The following DMD variants were observed in gnomAD, a reference collection of about 807,000 sequenced individuals.
The protein encoded by DMD is dystrophin.
Under a neutral mutation model 330.1 loss-of-function variants are expected in DMD, and 63 were observed. That is an observed-to-expected ratio of 0.19 (90% CI 0.16 to 0.24). The LOEUF (loss-of-function observed/expected upper bound fraction) is 0.24. Ranked by LOEUF, DMD falls within the 10% of genes least tolerant of loss-of-function variation. DMD has a pLI of 1.00. For synonymous variants in DMD, 1,223 were observed against 959.8 expected (o/e 1.27, Z -5.07); for missense variants, 3,344 against 2,684.1 (o/e 1.25, Z -5.43).
intron 50 of DMD, among the ~76,000 whole-genome samples, chrX:31,801,497 A>T (rs2092059571): frequency 9.1e-6 from 1 of 110,333 alleles, no homozygotes; most frequent in Admixed American, 9.6e-5. Context: ...CTGGGGATCT[A>T]ATGTACATTA....
intron 44 of DMD, among the ~76,000 whole-genome samples, chrX:31,998,397 T>C (rs1291387458): frequency 8.9e-6 from 1 of 111,882 alleles, no homozygotes; most frequent in Admixed American, 9.5e-5. Context: ...TCAACTCAAA[T>C]GTTACCCAGA....
intron 48 of DMD, among the ~76,000 whole-genome samples, chrX:31,856,530 C>A (rs751586691): frequency 8.9e-6 from 1 of 112,018 alleles, no homozygotes; most frequent in Admixed American, 9.5e-5. Context: ...TTTATGGAGT[C>A]CAAAGTTCTA....
intron 16 of DMD, among the ~76,000 whole-genome samples, chrX:32,554,862 GAGA>G (rs2050030864): frequency 3.1e-5 from 2 of 64,988 alleles, no homozygotes; most frequent in Admixed American, 1.8e-4. Flanking sequence ...GAGAGAGAGA[GAGA>G]GAGAGAAGGA....
chrX:32,768,601 G>T lies in DMD; in HGVS notation c.649+40892C>A, dbSNP rs186847747. 2.7e-3 allele frequency among the ~76,000 whole-genome samples: 302 copies of T among 111,375 alleles called. 2 individuals are homozygous for T. The highest frequency in any genetic ancestry group is 8.8e-3 in the African/African-American group (271 of 30,725). ...TCAGAATGTATCATTTTTTTCTATG[G>T]TATACTTAAGGTTCCATTAAATTTA... On this transcript the variant is annotated intron_variant, in intron 7 of 78. Coordinates refer to ENST00000357033, the MANE Select transcript of DMD (RefSeq NM_004006.3).
At chrX:32,842,745 C>A (rs2080280898) in intron 4 of DMD, among the ~76,000 whole-genome samples, 1 of 111,719 alleles carries the variant, frequency 9.0e-6, no homozygotes, top group Non-Finnish European at 1.9e-5. Context: ...CTGCAAAGGA[C>A]ATGATCTAAT....
chrX:33,186,040 G>A (rs1488380611), intron 1 of DMD, among the ~76,000 whole-genome samples: 1 of 111,448 alleles, frequency 9.0e-6, no homozygotes, highest in Admixed American at 9.6e-5. Context: ...TGGGGGCGTG[G>A]GGCCAAACAG....
intron 16 of DMD, among the ~76,000 whole-genome samples, chrX:32,549,639 C>CAT (rs1192097111): frequency 8.9e-6 from 1 of 111,977 alleles, no homozygotes; most frequent in East Asian, 2.8e-4. Flanking sequence ...CATAAGATTA[C>CAT]ATATGTTAAA....
chrX:31,885,105 CT>C (rs779830427), intron 47 of DMD, among the ~76,000 whole-genome samples: 3 of 111,212 alleles, frequency 2.7e-5, no homozygotes, highest in South Asian at 7.5e-4. Flanking sequence ...CTTATATTCA[CT>C]TTCTTATTCT....
At chrX:32,310,373 T>A in intron 41 of DMD, 97 bp from the exon 42 acceptor site, 1 of 698,623 alleles carries the variant, frequency 1.4e-6, no homozygotes. Context: ...AGCTGACAAT[T>A]GAATCTACAA....
chrX:33,319,077 A>G (rs1442397459), intron 1 of DMD, among the ~76,000 whole-genome samples: 1 of 109,556 alleles, frequency 9.1e-6, no homozygotes. Flanking sequence ...TCTTCATCAT[A>G]TAAGGACACA....
intron 34 of DMD, among the ~76,000 whole-genome samples, chrX:32,365,507 T>C (rs1483622019): frequency 9.0e-6 from 1 of 111,241 alleles, no homozygotes; most frequent in Non-Finnish European, 1.9e-5. Context: ...TAAAGGCAGA[T>C]ATTTGAAAAT....
intron 54 of DMD, among the ~76,000 whole-genome samples, chrX:31,637,751 T>G (rs760510634): frequency 8.1e-5 from 9 of 111,764 alleles, no homozygotes; most frequent in Non-Finnish European, 1.3e-4. Flanking sequence ...AATTTATATT[T>G]ATATAGAATT....
chrX:33,065,126 G>T (rs2148112582), intron 1 of DMD, among the ~76,000 whole-genome samples: 1 of 111,388 alleles, frequency 9.0e-6, no homozygotes, highest in East Asian at 2.8e-4. Flanking sequence ...CAAAAGAGAT[G>T]ATGAGGCAAA....
intron 7 of DMD, among the ~76,000 whole-genome samples, chrX:32,728,218 C>G (rs936522273): frequency 1.2e-4 from 13 of 111,370 alleles, no homozygotes; most frequent in Non-Finnish European, 2.3e-4. Flanking sequence ...TGTAAAACTG[C>G]TTTCAAATTT....
At chrX:32,284,360 T>C (rs1450610273) in intron 43 of DMD, among the ~76,000 whole-genome samples, 4 of 111,812 alleles carry the variant, frequency 3.6e-5, no homozygotes, top group African/African-American at 1.3e-4. Flanking sequence ...ACCCTTATTT[T>C]ACTGGCTGGT....
chrX:32,740,971 G>A (rs1455238161), intron 7 of DMD, among the ~76,000 whole-genome samples: 2 of 111,500 alleles, frequency 1.8e-5, no homozygotes, highest in African/African-American at 6.5e-5. Flanking sequence ...GCTGTTGTAT[G>A]AAGATTTATC....
intron 7 of DMD, among the ~76,000 whole-genome samples, chrX:32,707,359 G>C (rs1451787481): frequency 9.0e-6 from 1 of 111,686 alleles, no homozygotes; most frequent in Admixed American, 9.6e-5. Flanking sequence ...CTCTTCGCTG[G>C]GATAGTTTTT....
intron 25 of DMD, among the ~76,000 whole-genome samples, chrX:32,461,205 C>T (rs186642132): frequency 4.5e-5 from 5 of 111,664 alleles, no homozygotes; most frequent in South Asian, 3.7e-4. Context: ...CTTATTTTGT[C>T]TGTAGATATT....
At chrX:31,138,629 GAGAGAGAGAGAGAGAGAGA>G (rs1379485286) in intron 76 of DMD, among the ~76,000 whole-genome samples, 3 of 864 alleles carry the variant, frequency 3.5e-3, no homozygotes, top group Non-Finnish European at 7.6e-3. Context: ...CAGCAGGAGA[GAGAGAGAGAGAGAGAGAGA>G]GAGAGAGAGA....
Sources: gnomAD v4.1 joint callset for allele counts (sites outside exome capture counted in the v4.1 genomes callset) on GRCh38, gnomAD v4.1.1 for gene constraint, MANE v1.5 for transcripts, NCBI Gene and HGNC (gene_info 2026-07-23, HGNC 2026-07-21) for gene names.